ERICH1: variants seen among roughly 807,000 people sequenced by gnomAD.
The protein encoded by ERICH1 is glutamate rich 1, also known as glutamate-rich protein 1.
Under a neutral mutation model 39.6 loss-of-function variants are expected in ERICH1, and 56 were observed. The ratio of observed to expected loss-of-function variants is 1.41; its 90% CI spans 1.14 to 1.77. The LOEUF is 1.77. Among genes scored for constraint, ERICH1 ranks in the 40% most tolerant of loss-of-function variants. The pLI is 0.00. For synonymous variants in ERICH1, 313 were observed against 223.6 expected (o/e 1.40, Z -3.57); for missense variants, 826 against 575.4 (o/e 1.44, Z -4.45).
At chr8:731,097 C>T in intron 1 of ERICH1, 43 bp downstream of exon 1, 2 of 1,428,762 alleles carry the variant, frequency 1.4e-6, no homozygotes, top group Non-Finnish European at 1.8e-6. Context: ...AGCCGAGAGC[C>T]GGGTCTGGGG....
chr8:692,486 T>C lies in ERICH1; in HGVS notation c.296A>G (p.Asp99Gly). The change falls in exon 3 of 6, where the codon GAC becomes GGC. Residue 99 changes from aspartate (D) to glycine (G), a missense_variant. Asp to Gly is a moderately conservative substitution (Grantham distance 94). Transcript: ENST00000262109. Reference sequence around the variant, plus strand: ...CCCACCCAGCATTTTACCTTCTGTGTCATCCCCGCTGGAGGCGTTCTCGGG... The same window carrying C: ...CCCACCCAGCATTTTACCTTCTGTGCCATCCCCGCTGGAGGCGTTCTCGGG... ...GSPENASSGD[D>G]TEDQDPHDQP... The C allele has an allele frequency of 1.9e-6, 3 of 1,614,168 alleles. No homozygotes were observed. The highest frequency in any genetic ancestry group is 2.5e-6 in the Non-Finnish European group (3 of 1,180,012).
chr8:662,852 G>A (rs1158289832), downstream of ERICH1, among the ~76,000 whole-genome samples: 2 of 151,512 alleles, frequency 1.3e-5, no homozygotes, highest in Non-Finnish European at 2.9e-5. Context: ...TGACTTCGGA[G>A]TTAGGGGAAG....
chr8:670,883 G>C (rs1803150391), intron 4 of ERICH1, among the ~76,000 whole-genome samples: 10 of 151,014 alleles, frequency 6.6e-5, no homozygotes, highest in Admixed American at 6.6e-4. Flanking sequence ...CCGGTCCCCA[G>C]GATCCAACCT....
At chr8:640,751 G>A (rs916116494) in intron 3 of ERICH1, 1 of 152,186 alleles carries the variant, frequency 6.6e-6, no homozygotes, top group African/African-American at 2.4e-5. Context: ...GGTTCCTTGG[G>A]GATGGACCTG....
chr8:648,504 A>C (rs1799596693), intron 3 of ERICH1, among the ~76,000 whole-genome samples: 1 of 23,386 alleles, frequency 4.3e-5, no homozygotes, highest in Admixed American at 5.0e-4. Flanking sequence ...AGAAAAAGCA[A>C]AAAAAAAAAA....
intron 3 of ERICH1, chr8:637,711 G>T (rs1288447000): frequency 6.6e-6 from 1 of 152,398 alleles, no homozygotes; most frequent in Non-Finnish European, 1.5e-5. Flanking sequence ...GTGTGCCTGG[G>T]AGCAGGAGGA....
intron 2 of ERICH1, among the ~76,000 whole-genome samples, chr8:694,203 G>C (rs923821533): frequency 6.6e-6 from 1 of 152,174 alleles, no homozygotes; most frequent in Non-Finnish European, 1.5e-5. Flanking sequence ...TTGCTCTCTC[G>C]AGGGTAGGGT....
chr8:708,680 A>AGTTTTTTGTTTTTTTTTTTTT (rs1554526139), intron 2 of ERICH1, among the ~76,000 whole-genome samples: 1 of 55,134 alleles, frequency 1.8e-5, no homozygotes, highest in East Asian at 5.1e-4. Flanking sequence ...CGGGATAATG[A>AGTTTTTTGTTTTTTTTTTTTT]GTTTTTTTTT....
chr8:707,910 A>C (rs1210045475), intron 2 of ERICH1, among the ~76,000 whole-genome samples: 1 of 152,238 alleles, frequency 6.6e-6, no homozygotes, highest in East Asian at 1.9e-4. Flanking sequence ...ATGAGGACTC[A>C]GTATGGAGGA....
At chr8:627,272 G>T (rs981721108) in intron 3 of ERICH1, 16 of 454,948 alleles carry the variant, frequency 3.5e-5, no homozygotes, top group African/African-American at 3.2e-4. Flanking sequence ...TTACCTTACA[G>T]GATTGAAAAG....
intron 3 of ERICH1, among the ~76,000 whole-genome samples, chr8:647,164 G>C (rs1799526822): frequency 1.5e-5 from 1 of 68,180 alleles, no homozygotes; most frequent in Non-Finnish European, 4.5e-5. Flanking sequence ...TGCTTTCAGA[G>C]ACACGTGGGG....
rs577761618 is a variant in ERICH1 at position 715,713 on chromosome 8, G to A, written c.169+148C>T. On this transcript the variant is annotated intron_variant, in intron 2 of 5. Coordinates refer to ENST00000262109, the MANE Select transcript of ERICH1 (RefSeq NM_207332.3). The stretch of plus-strand genomic sequence containing the variant: ...CCTTGGCAGAGCTTGTGTGGAGAGC[G>A]ATGCCTGCCCTGCCCACCTGCTGCA... 1.2e-4 allele frequency: 140 copies of A among 1,124,406 alleles called. No individual in the cohort carries two copies. The East Asian group carries it at 3.2e-3, about 26-fold the overall frequency. The allele number at this position is 1,124,406 out of a possible 1,614,324, so 69.7% of individuals were successfully genotyped here. A position where few individuals can be genotyped will look rare whatever the true frequency, so the allele number is the denominator to read the frequency against.
At chr8:661,345 G>A (rs550590177), downstream of ERICH1, among the ~76,000 whole-genome samples, 6 of 152,220 alleles carry the variant, frequency 3.9e-5, no homozygotes, top group East Asian at 1.9e-4. Flanking sequence ...AGCTGGGCCT[G>A]GGAAACAAAT....
intron 1 of ERICH1, among the ~76,000 whole-genome samples, chr8:727,244 A>T (rs1818983109): frequency 6.6e-6 from 1 of 152,194 alleles, no homozygotes; most frequent in Admixed American, 6.5e-5. Context: ...ACATGCATGC[A>T]CATTGACAAT....
chr8:685,093 G>C (rs62487402), intron 3 of ERICH1, among the ~76,000 whole-genome samples: 2,452 of 152,304 alleles, frequency 0.016, 25 homozygotes, highest in Middle Eastern at 0.034. Flanking sequence ...GGAGACCAGG[G>C]CGTGTTTCAT....
intron 3 of ERICH1, among the ~76,000 whole-genome samples, chr8:649,329 T>C (rs138049845): frequency 0.016 from 325 of 19,784 alleles, 111 homozygotes; most frequent in African/African-American, 0.029. Context: ...CACATACCTA[T>C]TTCTTTGCAT....
chr8:634,685 G>A (rs1798288386), intron 3 of ERICH1, among the ~76,000 whole-genome samples: 2 of 152,108 alleles, frequency 1.3e-5, no homozygotes, highest in African/African-American at 4.8e-5. Context: ...GGGCTGCCGT[G>A]GGCACCCACT....
At chr8:640,047 G>T (rs1005601398) in intron 3 of ERICH1, among the ~76,000 whole-genome samples, 2 of 152,130 alleles carry the variant, frequency 1.3e-5, no homozygotes, top group Non-Finnish European at 2.9e-5. Flanking sequence ...ATGGGGAGTG[G>T]CTCATTTTGT....
intron 4 of ERICH1, among the ~76,000 whole-genome samples, chr8:670,850 C>T (rs1803139158): frequency 6.6e-6 from 1 of 151,986 alleles, no homozygotes. Flanking sequence ...ACCCACTGGC[C>T]CCTGCTTCGA....
Sources: allele counts gnomAD v4.1 joint callset (sites outside exome capture counted in the v4.1 genomes callset), GRCh38; gene constraint gnomAD v4.1.1; transcripts MANE v1.5; gene names NCBI Gene and HGNC (gene_info 2026-07-23, HGNC 2026-07-21).